The following EPHA4 variants were observed in gnomAD, a reference collection of about 807,000 sequenced individuals.
EPHA4 encodes ephrin type-A receptor 4.
A neutral mutation model predicts 108.3 loss-of-function variants in EPHA4; 19 were observed. The ratio of observed to expected loss-of-function variants is 0.18; its 90% CI spans 0.12 to 0.26. EPHA4 has a LOEUF of 0.26. Among genes scored for constraint, EPHA4 ranks in the 10% least tolerant of loss-of-function variants. The pLI is 1.00. For missense variants in EPHA4, 917 were observed against 1,254.0 expected (o/e 0.73, Z 4.06); for synonymous variants, 449 against 455.5 (o/e 0.99, Z 0.18).
At chr2:221,439,457 C>T (rs1272477046) in intron 11 of EPHA4, among the ~76,000 whole-genome samples, 1 of 151,798 alleles carries the variant, frequency 6.6e-6, no homozygotes, top group African/African-American at 2.4e-5. Flanking sequence ...GATCGTGCCA[C>T]TGCACTCAAG....
Position 221,571,516 on chromosome 2 carries a change from GC to G in EPHA4, c.91+641del, listed in dbSNP as rs1040099935. Among the ~76,000 whole-genome samples the G allele has an allele frequency of 2.0e-5, 3 of 152,244 alleles. No homozygotes were observed. The highest frequency in any genetic ancestry group is 4.4e-5 in the Non-Finnish European group (3 of 68,048). On this transcript the variant is annotated intron_variant, in intron 1 of 17. Coordinates refer to ENST00000281821, the MANE Select transcript of EPHA4 (RefSeq NM_004438.5). This position sits in a 1 kb window ranked among gnomAD's most constrained non-coding sequence, Gnocchi z 6.3. ...ACTTGCCGGCGGGTTCCCCAAGTCT[GC>G]GGGGCGAAGAGCTCGGGCCCCTCAG...
At chr2:221,456,536 A>G (rs1690957293) in intron 7 of EPHA4, 77 bp downstream of exon 7, 2 of 1,466,674 alleles carry the variant, frequency 1.4e-6, no homozygotes, top group Admixed American at 2.0e-5. Context: ...ACAACTCCTT[A>G]GATTTCACTG....
In EPHA4 at chr2:221,430,000, C is replaced by T. The variant is rs765523420; in HGVS notation, c.2648G>A (p.Arg883His). The change falls in exon 15 of 18, where the codon CGC (arginine) becomes CAC (histidine). Residue 883 changes from arginine to histidine, a missense_variant. Transcript: ENST00000281821. ...TGTCCTCTTCAAGCTGTTGGGGTTG[C>T]GGATGAGTTTGTCCAACATGTTGAC... Reference protein sequence around the residue: ...QIVNMLDKLIRNPNSLKRTGT... With the variant: ...QIVNMLDKLIHNPNSLKRTGT... The T allele has an allele frequency of 2.5e-5, 40 of 1,613,790 alleles. No homozygotes were observed. Among genetic ancestry groups the T allele is most frequent in the Non-Finnish European group, 3.1e-5 (37 of 1,179,958 alleles).
intron 3 of EPHA4, among the ~76,000 whole-genome samples, chr2:221,541,828 CA>C (rs1435486237): frequency 6.6e-6 from 1 of 152,138 alleles, no homozygotes; most frequent in African/African-American, 2.4e-5. Flanking sequence ...AGCAATGAGA[CA>C]GGGGATAGGC....
intron 10 of EPHA4, 112 bp from the exon 11 acceptor site, chr2:221,443,126 T>C: frequency 9.1e-7 from 1 of 1,097,368 alleles, no homozygotes; most frequent in Non-Finnish European, 1.3e-6. Context: ...GCTAGTGCTT[T>C]GCATAGATTA....
chr2:221,437,385 G>A (rs1453000736), intron 11 of EPHA4: 2 of 343,854 alleles, frequency 5.8e-6, no homozygotes, highest in Non-Finnish European at 1.1e-5. Context: ...CTGGTATCCA[G>A]GGAGCATATG....
chr2:221,526,393 G>A (rs1245471515), intron 3 of EPHA4, among the ~76,000 whole-genome samples: 1 of 152,206 alleles, frequency 6.6e-6, no homozygotes, highest in African/African-American at 2.4e-5. Context: ...AAGTAAGGCA[G>A]TGTAATTCCA....
rs1574645423 is a variant in EPHA4, at chr2:221,539,599, G to GAA, written c.823+24131_823+24132insTT. On this transcript the variant is annotated intron_variant, in intron 3 of 17. Coordinates refer to ENST00000281821, the MANE Select transcript of EPHA4 (RefSeq NM_004438.5). ...GAATAGTGAAGGAGCTTTGAAGAAA[G>GAA]AGCTTGGAGACCTATCCTAAAATAC... Among the ~76,000 whole-genome samples the GAA allele has an allele frequency of 2.6e-5, 4 of 152,320 alleles. No individual in the cohort carries two copies. In the East Asian group the frequency reaches 7.7e-4, roughly 29 times the overall value.
Position 221,500,188 on chromosome 2 carries a change from T to C in EPHA4, c.979+829A>G, listed in dbSNP as rs188550191. Among the ~76,000 whole-genome samples, 26 of 152,270 alleles carry C rather than the reference T, an allele frequency of 1.7e-4. No homozygotes were observed. In the East Asian group the frequency reaches 4.3e-3, roughly 25 times the overall value. ...CCATTCTCCAGGTGAGGAAACAGAC[T>C]GAAGAGACTCAACAGCCACCCAGCT... On this transcript the variant is annotated intron_variant, in intron 4 of 17. Coordinates refer to ENST00000281821, the MANE Select transcript of EPHA4 (RefSeq NM_004438.5).
intron 3 of EPHA4, among the ~76,000 whole-genome samples, chr2:221,539,704 T>G (rs1278580891): frequency 6.6e-6 from 1 of 152,144 alleles, no homozygotes; most frequent in African/African-American, 2.4e-5. Context: ...GTAGTAGTGG[T>G]AGAAATAAGA....
At chr2:221,531,256 C>A (rs1693504105) in intron 3 of EPHA4, among the ~76,000 whole-genome samples, 1 of 152,032 alleles carries the variant, frequency 6.6e-6, no homozygotes, top group South Asian at 2.1e-4. Flanking sequence ...AGGTTTATTA[C>A]CCTAGTATAG....
rs993231313 is a variant in EPHA4 at position 221,437,908 on chromosome 2, G to A, written c.2075-786C>T. ...ATTACACTCCAGCCTGGGGGGCGAC[G>A]ATACAGAGACTCCGTCTCAAAAAAC... is the stretch of plus-strand genomic sequence containing the variant. On this transcript the variant is annotated intron_variant, in intron 11 of 17. Coordinates refer to ENST00000281821, the MANE Select transcript of EPHA4 (RefSeq NM_004438.5). 7.3e-5 allele frequency among the ~76,000 whole-genome samples: 11 copies of A among 151,306 alleles called. No individual in the cohort carries two copies. In the South Asian group the frequency reaches 8.4e-4, roughly 12 times the overall value.
chr2:221,519,569 T>C (rs1445634308), intron 3 of EPHA4, among the ~76,000 whole-genome samples: 1 of 152,236 alleles, frequency 6.6e-6, no homozygotes, highest in African/African-American at 2.4e-5. Context: ...GCTCCAGTTA[T>C]TAGGTTGGTA....
At chr2:221,499,739 TATATATATA>T (rs1692420660) in intron 4 of EPHA4, among the ~76,000 whole-genome samples, 2 of 54,884 alleles carry the variant, frequency 3.6e-5, no homozygotes, top group African/African-American at 2.0e-4. Flanking sequence ...TATATATATA[TATATATATA>T]TATATATATT....
At chr2:221,476,708 A>G (rs977248799) in intron 5 of EPHA4, among the ~76,000 whole-genome samples, 2 of 152,076 alleles carry the variant, frequency 1.3e-5, no homozygotes, top group African/African-American at 4.8e-5. Flanking sequence ...TCCTCTTACT[A>G]TCTAGAAGAC....
chr2:221,419,629 G>A lies in EPHA4; in HGVS notation c.*1743C>T, dbSNP rs1574546267. The stretch of plus-strand genomic sequence containing the variant: ...CAATCAGAAAATTTGTAATTTTGAT[G>A]ATGGGTTGTCACCTGAATGGATTTA... On this transcript the variant is annotated 3_prime_UTR_variant, in exon 18 of 18. Transcript: ENST00000281821. 1 of 152,608 alleles carries A rather than the reference G, an allele frequency of 6.6e-6. No individual in the cohort carries two copies. The allele number at this position is 152,608 out of a possible 1,614,324, so 9.5% of individuals were successfully genotyped here. A position where few individuals can be genotyped will look rare whatever the true frequency, so the allele number is the denominator to read the frequency against.
intron 17 of EPHA4, among the ~76,000 whole-genome samples, chr2:221,421,691 C>T (rs936619633): frequency 6.6e-6 from 1 of 152,204 alleles, no homozygotes; most frequent in Non-Finnish European, 1.5e-5. Flanking sequence ...TCATTTATAA[C>T]AACCAACTAT....
At chr2:221,517,415 A>C (rs1464660026) in intron 3 of EPHA4, among the ~76,000 whole-genome samples, 1 of 152,176 alleles carries the variant, frequency 6.6e-6, no homozygotes, top group Non-Finnish European at 1.5e-5. Flanking sequence ...TCAGTCTGGC[A>C]ATATGATTTG....
intron 4 of EPHA4, among the ~76,000 whole-genome samples, chr2:221,497,906 G>A (rs998248668): frequency 1.2e-4 from 19 of 152,124 alleles, no homozygotes; most frequent in African/African-American, 4.3e-4. Context: ...TCTGAAACAT[G>A]CAAATGTTAC....
Sources: allele counts gnomAD v4.1 joint callset (sites outside exome capture counted in the v4.1 genomes callset), GRCh38; gene constraint gnomAD v4.1.1; non-coding constraint Gnocchi (gnomAD v3.1); transcripts MANE v1.5; gene names NCBI Gene and HGNC (gene_info 2026-07-23, HGNC 2026-07-21).